CRPPA: variants seen among roughly 807,000 people sequenced by gnomAD.
The protein encoded by CRPPA is D-ribitol-5-phosphate cytidylyltransferase.
A neutral mutation model predicts 52.0 loss-of-function variants in CRPPA; 43 were observed. The ratio of observed to expected loss-of-function variants is 0.83; its 90% CI spans 0.65 to 1.07. The LOEUF is 1.07. CRPPA is among the 50% of genes least tolerant of loss of function. CRPPA has a pLI of 0.00. For missense variants in CRPPA, 629 were observed against 551.7 expected, an observed-to-expected ratio of 1.14 and a Z score of -1.40; for synonymous variants, 250 against 203.5, an observed-to-expected ratio of 1.23 and a Z score of -1.94.
At chr7:16,126,831 GA>G (rs1782590150) in intron 9 of CRPPA, among the ~76,000 whole-genome samples, 1 of 152,096 alleles carries the variant, frequency 6.6e-6, no homozygotes, top group Admixed American at 6.5e-5. Flanking sequence ...ATGTGCTTAT[GA>G]ATGAAAGGAA....
intron 9 of CRPPA, among the ~76,000 whole-genome samples, chr7:16,156,288 T>G (rs1431942426): frequency 3.9e-5 from 6 of 152,184 alleles, no homozygotes; most frequent in Non-Finnish European, 8.8e-5. Flanking sequence ...AGACAAGACT[T>G]TCTCAAGTTT....
chr7:16,199,798 A>G (rs1781809631), intron 9 of CRPPA, among the ~76,000 whole-genome samples: 1 of 151,892 alleles, frequency 6.6e-6, no homozygotes, highest in African/African-American at 2.4e-5. Flanking sequence ...GAAAAAAATC[A>G]GACATTCCAC....
Position 16,241,946 on chromosome 7 carries a change from C to CTTTTTTTTTTTTTTT in CRPPA, c.1119+16429_1119+16443dup, listed in dbSNP as rs71549979. Reference sequence around the variant, plus strand: ...TGTTTAATGTAGTTAAAAATCTATTCTTTTTTTTTTTTTTTTTTTTTTGTT... The same window carrying CTTTTTTTTTTTTTTT: ...TGTTTAATGTAGTTAAAAATCTATTCTTTTTTTTTTTTTTTTTTTTTTTTTTTTTTTTTTTTTGTT... On this transcript the variant is annotated intron_variant, in intron 8 of 9. Transcript: ENST00000407010. Among the ~76,000 whole-genome samples, 3 of 55,374 alleles carry CTTTTTTTTTTTTTTT rather than the reference C, an allele frequency of 5.4e-5. 1 individual carries two copies. Among genetic ancestry groups the CTTTTTTTTTTTTTTT allele is most frequent in the Non-Finnish European group, 7.2e-5 (2 of 27,772 alleles). The allele number at this position is 55,374 out of a possible 152,430, so 36.3% of individuals were successfully genotyped here. A position where few individuals can be genotyped will look rare whatever the true frequency, so the allele number is the denominator to read the frequency against.
chr7:16,399,995 T>G (rs969490512), intron 2 of CRPPA, among the ~76,000 whole-genome samples: 15 of 152,120 alleles, frequency 9.9e-5, no homozygotes, highest in African/African-American at 3.6e-4. Context: ...GACTGACGCA[T>G]TTGACATGTG....
chr7:16,215,952 T>C, intron 9 of CRPPA, 114 bp downstream of exon 9: 1 of 848,706 alleles, frequency 1.2e-6, no homozygotes, highest in Non-Finnish European at 1.8e-6. Flanking sequence ...GATGAGTAAC[T>C]TTCCAGCTGT....
chr7:16,213,556 C>T (rs1782210908), intron 9 of CRPPA, among the ~76,000 whole-genome samples: 1 of 151,858 alleles, frequency 6.6e-6, no homozygotes, highest in African/African-American at 2.4e-5. Context: ...CAAGACCAGC[C>T]GGGTCAACAT....
intron 1 of CRPPA, 76 bp downstream of exon 1, chr7:16,420,990 C>A: frequency 1.6e-6 from 2 of 1,212,824 alleles, no homozygotes; most frequent in Non-Finnish European, 2.1e-6. Flanking sequence ...AAGGTGCTAG[C>A]GCTAGAGCAG....
At chr7:16,352,145 C>T (rs906403348) in intron 3 of CRPPA, among the ~76,000 whole-genome samples, 6 of 152,092 alleles carry the variant, frequency 3.9e-5, no homozygotes, top group Admixed American at 2.6e-4. Context: ...CCATCATTCT[C>T]AGCAAACTGA....
At chr7:16,242,536 C>A (rs774226778) in intron 8 of CRPPA, among the ~76,000 whole-genome samples, 2 of 152,084 alleles carry the variant, frequency 1.3e-5, no homozygotes, top group African/African-American at 4.8e-5. Flanking sequence ...GTAAATGCAA[C>A]GAACAGAAGG....
chr7:16,148,220 A>G (rs995879330), intron 9 of CRPPA, among the ~76,000 whole-genome samples: 4 of 152,176 alleles, frequency 2.6e-5, no homozygotes, highest in African/African-American at 4.8e-5. Flanking sequence ...CTTCCTCTTA[A>G]AAGTACAACC....
At chr7:16,338,807 A>G (rs1785749121) in intron 3 of CRPPA, among the ~76,000 whole-genome samples, 1 of 139,454 alleles carries the variant, frequency 7.2e-6, no homozygotes, top group South Asian at 2.2e-4. Context: ...CGTGAATTCT[A>G]GCAAACTTTT....
At chr7:16,263,581 C>T (rs1482243478) in intron 6 of CRPPA, among the ~76,000 whole-genome samples, 2 of 152,006 alleles carry the variant, frequency 1.3e-5, no homozygotes, top group Non-Finnish European at 2.9e-5. Context: ...GTGAAACCCC[C>T]GTCTCTACTA....
At chr7:16,256,484 T>C (rs1783644264) in intron 8 of CRPPA, among the ~76,000 whole-genome samples, 2 of 152,166 alleles carry the variant, frequency 1.3e-5, no homozygotes, top group African/African-American at 4.8e-5. Flanking sequence ...TGCAGCTCTG[T>C]TCACAATAGC....
chr7:16,305,021 T>G (rs1784878768), intron 4 of CRPPA, among the ~76,000 whole-genome samples: 1 of 152,208 alleles, frequency 6.6e-6, no homozygotes, highest in Non-Finnish European at 1.5e-5. Context: ...GGCAGCATCT[T>G]TGGAGTTAGT....
At chr7:16,381,249 T>C (rs921542003) in intron 2 of CRPPA, among the ~76,000 whole-genome samples, 10 of 152,144 alleles carry the variant, frequency 6.6e-5, no homozygotes, top group African/African-American at 1.4e-4. Flanking sequence ...TCGTTATGTA[T>C]CCAGTAGTCA....
intron 1 of CRPPA, 43 bp downstream of exon 1, chr7:16,421,023 C>T (rs2128321429): frequency 1.6e-6 from 2 of 1,263,234 alleles, no homozygotes; most frequent in Non-Finnish European, 2.0e-6. Context: ...GAGCGGGAGG[C>T]CGGGCCCCAG....
intron 8 of CRPPA, among the ~76,000 whole-genome samples, chr7:16,226,689 T>C (rs2128401686): frequency 6.6e-6 from 1 of 152,060 alleles, no homozygotes; most frequent in Non-Finnish European, 1.5e-5. Context: ...TTTGTTAATT[T>C]TCACATAGGC....
chr7:16,416,632 C>G (rs548651617), intron 1 of CRPPA, among the ~76,000 whole-genome samples: 1 of 151,870 alleles, frequency 6.6e-6, no homozygotes, highest in South Asian at 2.1e-4. Flanking sequence ...CGCAGGAGCT[C>G]AAGACCAGCC....
intron 9 of CRPPA, among the ~76,000 whole-genome samples, chr7:16,092,846 T>C (rs983840574): frequency 6.6e-6 from 1 of 152,168 alleles, no homozygotes; most frequent in Non-Finnish European, 1.5e-5. Flanking sequence ...CTAAAATTAC[T>C]CAATTCTCCA....
Sources: allele counts gnomAD v4.1 joint callset (sites outside exome capture counted in the v4.1 genomes callset), GRCh38; gene constraint gnomAD v4.1.1; transcripts MANE v1.5; gene names NCBI Gene and HGNC (gene_info 2026-07-23, HGNC 2026-07-21).